Variants in RIT2 observed in about 807,000 individuals in gnomAD.
The protein encoded by RIT2 is Ras like without CAAX 2, also known as GTP-binding protein Rit2.
RIT2 carries 24 observed loss-of-function variants against 23.7 expected under a neutral mutation model. The observed-to-expected ratio is 1.01, with a 90% CI of 0.73 to 1.43. RIT2 has a LOEUF of 1.43. Among genes scored for constraint, RIT2 ranks in the 40% most tolerant of loss-of-function variants. RIT2 has a pLI of 0.00. For synonymous variants in RIT2, 107 were observed against 91.1 expected (o/e 1.17, Z -0.99); for missense variants, 236 against 266.9 (o/e 0.88, Z 0.81).
intron 4 of RIT2, among the ~76,000 whole-genome samples, chr18:42,745,778 G>A (rs1406433848): frequency 6.6e-6 from 1 of 152,090 alleles, no homozygotes; most frequent in East Asian, 1.9e-4. Context: ...GTATGACACT[G>A]TATAACGTGG....
chr18:42,872,318 CTCTT>C lies in RIT2; in HGVS notation c.426+51250_426+51253del, dbSNP rs1907640519. 3.3e-5 allele frequency among the ~76,000 whole-genome samples: 5 copies of C among 152,170 alleles called. No individual in the cohort carries two copies. In the South Asian group the frequency reaches 1.0e-3, roughly 32 times the overall value. The stretch of plus-strand genomic sequence containing the variant: ...AATGTGATCAAGACCTAATTTTTCT[CTCTT>C]TCTTCCTCTCTATCCATTGAAGGTT... On this transcript the variant is annotated intron_variant, in intron 4 of 4. Coordinates refer to ENST00000326695, the MANE Select transcript of RIT2 (RefSeq NM_002930.4).
intron 4 of RIT2, among the ~76,000 whole-genome samples, chr18:42,888,496 T>G (rs1031445908): frequency 3.3e-5 from 5 of 151,972 alleles, no homozygotes; most frequent in African/African-American, 4.8e-5. Context: ...CATTCCCTTT[T>G]CGCCGCAGCC....
At chr18:42,819,616 T>C (rs1906093480) in intron 4 of RIT2, among the ~76,000 whole-genome samples, 1 of 152,112 alleles carries the variant, frequency 6.6e-6, no homozygotes, top group African/African-American at 2.4e-5. Flanking sequence ...ACCCTGCTTA[T>C]GTTATCCCCA....
At chr18:42,920,843 C>T (rs925509383) in intron 4 of RIT2, 9 of 932,986 alleles carry the variant, frequency 9.6e-6, no homozygotes, top group East Asian at 2.4e-5. Flanking sequence ...GTAATTTCAC[C>T]GTTGAGAGTT....
At chr18:42,859,778 T>A (rs1395253122) in intron 4 of RIT2, among the ~76,000 whole-genome samples, 2 of 152,070 alleles carry the variant, frequency 1.3e-5, no homozygotes, top group East Asian at 3.9e-4. Context: ...CAAGTTAATT[T>A]TTTTTTTTTG....
At chr18:42,777,870 T>C (rs1010619372) in intron 4 of RIT2, among the ~76,000 whole-genome samples, 2 of 152,172 alleles carry the variant, frequency 1.3e-5, no homozygotes, top group Non-Finnish European at 2.9e-5. Flanking sequence ...AACCACATAA[T>C]CTCTTGCTAC....
intron 4 of RIT2, among the ~76,000 whole-genome samples, chr18:42,910,683 T>C (rs1243710119): frequency 6.6e-6 from 1 of 151,982 alleles, no homozygotes; most frequent in Non-Finnish European, 1.5e-5. Flanking sequence ...GTTGGAGAGA[T>C]TGGCTGCGGG....
rs865861110 is a variant in RIT2 at position 43,037,964 on chromosome 18, A to G, written c.104-4097T>C. On this transcript the variant is annotated intron_variant, in intron 1 of 4. Transcript: ENST00000326695. ...TCATGCCTGTAATCCCAGTACTTTGAGAGGCCAAGGCGGGCGGATCACGAG... is the reference window on the plus strand; with the variant it reads ...TCATGCCTGTAATCCCAGTACTTTGGGAGGCCAAGGCGGGCGGATCACGAG... 1.4e-4 allele frequency among the ~76,000 whole-genome samples: 21 copies of G among 152,062 alleles called. No individual in the cohort carries two copies. The South Asian group carries it at 3.5e-3, about 26-fold the overall frequency.
intron 4 of RIT2, among the ~76,000 whole-genome samples, chr18:42,837,000 G>A (rs1015136132): frequency 2.0e-5 from 3 of 151,924 alleles, no homozygotes; most frequent in African/African-American, 4.8e-5. Flanking sequence ...GACAGCTGTC[G>A]TTTTCTTCTT....
At chr18:43,064,034 C>T (rs981226090) in intron 1 of RIT2, among the ~76,000 whole-genome samples, 7 of 152,168 alleles carry the variant, frequency 4.6e-5, no homozygotes, top group African/African-American at 1.7e-4. Flanking sequence ...CTAAGAAGTT[C>T]AGCAGTGGCA....
At chr18:43,071,038 T>G (rs764685206) in intron 1 of RIT2, among the ~76,000 whole-genome samples, 1 of 152,212 alleles carries the variant, frequency 6.6e-6, no homozygotes, top group Non-Finnish European at 1.5e-5. Flanking sequence ...CTTGGTGTTT[T>G]CATGGCTTCA....
chr18:42,813,040 T>C (rs1414608370), intron 4 of RIT2, among the ~76,000 whole-genome samples: 2 of 152,210 alleles, frequency 1.3e-5, no homozygotes, highest in African/African-American at 2.4e-5. Flanking sequence ...TGTTAGTATC[T>C]AGTTCAGTCC....
intron 4 of RIT2, among the ~76,000 whole-genome samples, chr18:42,902,964 A>G (rs531558025): frequency 6.6e-6 from 1 of 152,024 alleles, no homozygotes; most frequent in Admixed American, 6.5e-5. Flanking sequence ...TACAAGAAGC[A>G]CAATTTAAAT....
Position 42,973,347 on chromosome 18 carries a change from C to T in RIT2, c.234+727G>A, listed in dbSNP as rs375940736. On this transcript the variant is annotated intron_variant, in intron 3 of 4. Coordinates refer to ENST00000326695, the MANE Select transcript of RIT2 (RefSeq NM_002930.4). ...TGTATTAACAACTTTTTTTATTCTTCTCTTTTTCCCATGCTTGTATCAAAT... is the reference window on the plus strand; with the variant it reads ...TGTATTAACAACTTTTTTTATTCTTTTCTTTTTCCCATGCTTGTATCAAAT... Among the ~76,000 whole-genome samples, 246 of 151,556 alleles carry T rather than the reference C, an allele frequency of 1.6e-3. 1 individual carries two copies. Among genetic ancestry groups the T allele is most frequent in the African/African-American group, 5.6e-3 (231 of 41,430 alleles).
chr18:43,036,877 T>C (rs1911993328), intron 1 of RIT2, among the ~76,000 whole-genome samples: 1 of 152,184 alleles, frequency 6.6e-6, no homozygotes, highest in African/African-American at 2.4e-5. Context: ...TTGAAAAATC[T>C]CTCCTAAGTA....
At chr18:42,948,881 G>A (rs1241315238) in intron 3 of RIT2, 1 of 394,136 alleles carries the variant, frequency 2.5e-6, no homozygotes, top group Non-Finnish European at 4.5e-6. Context: ...AAATCCCAAA[G>A]TATAGGAAAG....
intron 2 of RIT2, among the ~76,000 whole-genome samples, chr18:42,996,515 G>A (rs189435493): frequency 6.6e-6 from 1 of 152,026 alleles, no homozygotes; most frequent in East Asian, 1.9e-4. Context: ...AAATGAAAAT[G>A]GCCTGTTTCT....
chr18:42,837,152 TC>T (rs1363602598), intron 4 of RIT2, among the ~76,000 whole-genome samples: 14 of 120,394 alleles, frequency 1.2e-4, no homozygotes, highest in African/African-American at 4.3e-4. Flanking sequence ...TTTTTCTTTT[TC>T]TTTTTTTTTT....
chr18:42,834,612 G>GT (rs1906548628), intron 4 of RIT2, among the ~76,000 whole-genome samples: 1 of 151,842 alleles, frequency 6.6e-6, no homozygotes. Flanking sequence ...TTTTCAAAAT[G>GT]TTTTGCAGAA....
Sources: allele counts gnomAD v4.1 joint callset (sites outside exome capture counted in the v4.1 genomes callset), GRCh38; gene constraint gnomAD v4.1.1; transcripts MANE v1.5; gene names NCBI Gene and HGNC (gene_info 2026-07-23, HGNC 2026-07-21).